Variants in NDUFAF2 observed in about 807,000 individuals in gnomAD.
NDUFAF2 encodes the protein NADH dehydrogenase [ubiquinone] 1 alpha subcomplex assembly factor 2.
In NDUFAF2, 13 loss-of-function variants were observed where a neutral mutation model predicts 22.8. The ratio of observed to expected loss-of-function variants is 0.57; its 90% CI spans 0.37 to 0.91. NDUFAF2 has a LOEUF of 0.91. Ranked by LOEUF, NDUFAF2 falls within the 40% of genes least tolerant of loss-of-function variation. The pLI, the probability that NDUFAF2 is intolerant of heterozygous loss-of-function variation, is 0.01. For missense variants in NDUFAF2, 162 were observed against 195.2 expected (o/e 0.83, Z 1.01); for synonymous variants, 53 against 64.2 (o/e 0.83, Z 0.84).
intron 1 of NDUFAF2, among the ~76,000 whole-genome samples, chr5:61,002,972 G>A (rs1751316931): frequency 6.6e-6 from 1 of 152,068 alleles, no homozygotes; most frequent in East Asian, 1.9e-4. Context: ...CAGCTCCTAA[G>A]ATTATAGGAC....
At chr5:60,950,048 C>T (rs1019181355) in intron 1 of NDUFAF2, among the ~76,000 whole-genome samples, 3 of 152,098 alleles carry the variant, frequency 2.0e-5, no homozygotes, top group African/African-American at 7.2e-5. Context: ...TGTTTTTATC[C>T]TTTCTAACTT....
intron 1 of NDUFAF2, among the ~76,000 whole-genome samples, chr5:61,031,685 T>TA (rs1261154268): frequency 1.3e-5 from 2 of 152,180 alleles, no homozygotes; most frequent in East Asian, 3.8e-4. Flanking sequence ...GCAGTAAACA[T>TA]ACGTGTGCAT....
At chr5:61,117,234 G>T (rs576239426) in intron 3 of NDUFAF2, among the ~76,000 whole-genome samples, 1 of 152,222 alleles carries the variant, frequency 6.6e-6, no homozygotes, top group East Asian at 1.9e-4. Context: ...AAGGCTCCTT[G>T]GTTTGGCCTA....
chr5:61,038,629 A>G (rs1210576851), intron 1 of NDUFAF2, among the ~76,000 whole-genome samples: 1 of 152,242 alleles, frequency 6.6e-6, no homozygotes, highest in Non-Finnish European at 1.5e-5. Flanking sequence ...CTTTTAAACC[A>G]AAATCATGTT....
intron 1 of NDUFAF2, among the ~76,000 whole-genome samples, chr5:61,050,876 A>C (rs1431021611): frequency 6.6e-6 from 1 of 152,182 alleles, no homozygotes; most frequent in Non-Finnish European, 1.5e-5. Context: ...CATGTGATCC[A>C]AAGAGAAAGT....
At chr5:60,961,700 A>G (rs1333590873) in intron 1 of NDUFAF2, among the ~76,000 whole-genome samples, 1 of 150,696 alleles carries the variant, frequency 6.6e-6, no homozygotes, top group African/African-American at 2.4e-5. Flanking sequence ...CAGGAGGCAG[A>G]GGTTGCAGTG....
At chr5:61,013,188 C>CT (rs920675225) in intron 1 of NDUFAF2, among the ~76,000 whole-genome samples, 2 of 151,836 alleles carry the variant, frequency 1.3e-5, no homozygotes, top group African/African-American at 4.8e-5. Context: ...TGGAGAGTAG[C>CT]TTTTTTAAAA....
intron 3 of NDUFAF2, among the ~76,000 whole-genome samples, chr5:61,110,345 A>G (rs6869454): frequency 0.13 from 19,889 of 151,756 alleles, 1,483 homozygotes; most frequent in African/African-American, 0.2. Flanking sequence ...TTGACCTACT[A>G]GAGTGAGTTT....
chr5:61,059,024 A>T (rs1313324401), intron 1 of NDUFAF2, among the ~76,000 whole-genome samples: 1 of 152,088 alleles, frequency 6.6e-6, no homozygotes, highest in Non-Finnish European at 1.5e-5. Context: ...GTTTTTCAAC[A>T]TAATATTCAA....
At chr5:60,959,945 A>G (rs954354622) in intron 1 of NDUFAF2, among the ~76,000 whole-genome samples, 13 of 152,174 alleles carry the variant, frequency 8.5e-5, no homozygotes, top group Non-Finnish European at 1.0e-4. Flanking sequence ...TACTTATACA[A>G]ATAGTACCAC....
chr5:61,147,437 C>CTTT (rs1240336890), intron 3 of NDUFAF2, among the ~76,000 whole-genome samples: 20 of 84,736 alleles, frequency 2.4e-4, no homozygotes, highest in South Asian at 5.2e-4. Context: ...TTTTTTCTTT[C>CTTT]TTTTTTTTTT....
At chr5:61,145,232 A>C (rs1741121573) in intron 3 of NDUFAF2, among the ~76,000 whole-genome samples, 1 of 152,222 alleles carries the variant, frequency 6.6e-6, no homozygotes, top group African/African-American at 2.4e-5. Flanking sequence ...ACAGCATTGG[A>C]AAGGACTTGA....
intron 2 of NDUFAF2, among the ~76,000 whole-genome samples, chr5:61,093,874 T>A (rs1323245162): frequency 6.6e-6 from 1 of 152,204 alleles, no homozygotes; most frequent in Non-Finnish European, 1.5e-5. Context: ...AGAATTCAGC[T>A]ATGAATCTGT....
At chr5:61,097,703 C>A (rs920931369) in intron 2 of NDUFAF2, among the ~76,000 whole-genome samples, 1 of 152,174 alleles carries the variant, frequency 6.6e-6, no homozygotes, top group Non-Finnish European at 1.5e-5. Context: ...AAAATGGGAT[C>A]AATAATTCTT....
chr5:60,962,706 G>T (rs573552070), intron 1 of NDUFAF2, among the ~76,000 whole-genome samples: 1 of 151,276 alleles, frequency 6.6e-6, no homozygotes, highest in Admixed American at 6.6e-5. Flanking sequence ...GGTGGCACGC[G>T]CCTGTAGTCC....
chr5:61,113,473 T>G (rs1752870592), intron 3 of NDUFAF2, among the ~76,000 whole-genome samples: 1 of 152,194 alleles, frequency 6.6e-6, no homozygotes, highest in South Asian at 2.1e-4. Context: ...AATCTCATCT[T>G]GCATTGTAGT....
chr5:61,095,630 G>A (rs1434545212), intron 2 of NDUFAF2, among the ~76,000 whole-genome samples: 1 of 152,230 alleles, frequency 6.6e-6, no homozygotes, highest in Non-Finnish European at 1.5e-5. Context: ...GCGTGCCTGA[G>A]TGGCTGCTCT....
At position 61,068,615 on chromosome 5, in the gene NDUFAF2, T is replaced by A. The variant is rs980697460; in HGVS notation, c.128-4510T>A. 3.3e-5 allele frequency among the ~76,000 whole-genome samples: 5 copies of A among 152,252 alleles called. No homozygotes were observed. In the East Asian group the frequency reaches 7.7e-4, roughly 23 times the overall value. ...GAGTCACGCGCTTACAGGTCATTTTTATTTTTTTCTACTTTTTGGTATTTT... is the reference window on the plus strand; with the variant it reads ...GAGTCACGCGCTTACAGGTCATTTTAATTTTTTTCTACTTTTTGGTATTTT... On this transcript the variant is annotated intron_variant, in intron 1 of 3. Coordinates refer to ENST00000296597, the MANE Select transcript of NDUFAF2 (RefSeq NM_174889.5).
At chr5:61,093,903 G>C (rs898047006) in intron 2 of NDUFAF2, among the ~76,000 whole-genome samples, 1 of 151,988 alleles carries the variant, frequency 6.6e-6, no homozygotes, top group African/African-American at 2.4e-5. Flanking sequence ...GGGCTTTTTT[G>C]GTTGGTAGGC....
Sources: allele counts gnomAD v4.1 joint callset (sites outside exome capture counted in the v4.1 genomes callset), GRCh38; gene constraint gnomAD v4.1.1; transcripts MANE v1.5; gene names NCBI Gene and HGNC (gene_info 2026-07-23, HGNC 2026-07-21).